The following ANLN variants were observed in gnomAD, a reference collection of about 807,000 sequenced individuals.
ANLN encodes the protein anillin, actin binding protein.
In ANLN, 59 loss-of-function variants were observed where a neutral mutation model predicts 135.1. The observed-to-expected ratio is 0.44, with a 90% CI of 0.35 to 0.54. The LOEUF (loss-of-function observed/expected upper bound fraction) is 0.54, where lower values mean the gene tolerates loss of function less well. Among genes scored for constraint, ANLN ranks in the 20% least tolerant of loss-of-function variants. The pLI is 0.00. For missense variants in ANLN, 1,182 were observed against 1,340.0 expected (o/e 0.88, Z 1.84); for synonymous variants, 406 against 456.4 (o/e 0.89, Z 1.41).
chr7:36,408,551 C>T (rs1169353423), intron 5 of ANLN, among the ~76,000 whole-genome samples: 1 of 152,098 alleles, frequency 6.6e-6, no homozygotes, highest in African/African-American at 2.4e-5. Context: ...ATATCCATCA[C>T]CTTAAATACT....
chr7:36,416,857 C>G (rs1292807413), intron 8 of ANLN, among the ~76,000 whole-genome samples: 1 of 151,508 alleles, frequency 6.6e-6, no homozygotes, highest in African/African-American at 2.4e-5. Context: ...AGGTTGTCAC[C>G]AAGAACTGAT....
intron 7 of ANLN, 108 bp downstream of exon 7, chr7:36,411,274 T>C (rs890101605): frequency 9.7e-6 from 8 of 828,832 alleles, no homozygotes; most frequent in Middle Eastern, 2.4e-4. Flanking sequence ...CTTTTCCAAT[T>C]AACTCTGTCA....
At chr7:36,391,277 G>T (rs908206700) in intron 1 of ANLN, among the ~76,000 whole-genome samples, 1 of 152,138 alleles carries the variant, frequency 6.6e-6, no homozygotes, top group Non-Finnish European at 1.5e-5. Context: ...GTCGAAAAGC[G>T]TGTATTTATT....
intron 1 of ANLN, among the ~76,000 whole-genome samples, chr7:36,394,711 A>G (rs960165436): frequency 1.1e-4 from 16 of 151,260 alleles, no homozygotes; most frequent in African/African-American, 3.6e-4. Flanking sequence ...AAAAATTGTT[A>G]CTGTATTTTA....
intron 14 of ANLN, among the ~76,000 whole-genome samples, chr7:36,423,403 A>G (rs1460659624): frequency 6.6e-6 from 1 of 152,160 alleles, no homozygotes; most frequent in African/African-American, 2.4e-5. Flanking sequence ...TGGTGAAGAA[A>G]TAGTTTATGT....
chr7:36,435,846 C>T (rs1284312888), intron 20 of ANLN, among the ~76,000 whole-genome samples: 9 of 116,564 alleles, frequency 7.7e-5, no homozygotes, highest in African/African-American at 9.9e-5. Flanking sequence ...GCACTCCAGC[C>T]TGGGCGACAG....
chr7:36,395,229 T>G (rs1786646794), intron 1 of ANLN, among the ~76,000 whole-genome samples: 1 of 152,182 alleles, frequency 6.6e-6, no homozygotes, highest in African/African-American at 2.4e-5. Context: ...TGAAATGGAT[T>G]TTACTGTGTT....
intron 21 of ANLN, among the ~76,000 whole-genome samples, chr7:36,439,595 T>C (rs1297567613): frequency 6.6e-6 from 1 of 152,210 alleles, no homozygotes; most frequent in African/African-American, 2.4e-5. Context: ...CACCAGGTCT[T>C]GACTGTGTGT....
chr7:36,427,527 ATTG>A (rs1039648430), intron 20 of ANLN, among the ~76,000 whole-genome samples: 44 of 151,744 alleles, frequency 2.9e-4, no homozygotes, highest in African/African-American at 1.0e-3. Context: ...AATTTTTACT[ATTG>A]TTTTGTAGAG....
chr7:36,410,819 C>G, intron 6 of ANLN, 115 bp downstream of exon 6: 3 of 1,133,426 alleles, frequency 2.6e-6, no homozygotes, highest in Non-Finnish European at 2.5e-6. Flanking sequence ...TCTTGGTTTT[C>G]TGTATCACTA....
At chr7:36,410,468 A>AT (rs1270884975) in intron 5 of ANLN, 46 bp from the exon 6 acceptor site, 6 of 1,489,024 alleles carry the variant, frequency 4.0e-6, no homozygotes, top group Non-Finnish European at 5.4e-6. Context: ...AATCGTAATA[A>AT]TTTTTTATTT....
chr7:36,394,830 C>T (rs540730802), intron 1 of ANLN, among the ~76,000 whole-genome samples: 1 of 152,106 alleles, frequency 6.6e-6, no homozygotes, highest in South Asian at 2.1e-4. Flanking sequence ...TAGTTGTGTG[C>T]ATTTGAAAGA....
chr7:36,422,843 A>G, intron 14 of ANLN, 34 bp downstream of exon 14: 7 of 1,554,410 alleles, frequency 4.5e-6, no homozygotes, highest in Non-Finnish European at 6.1e-6. Flanking sequence ...TGTGTGTTAA[A>G]TTATGAACCT....
chr7:36,423,002 T>C (rs1787942586), intron 14 of ANLN, among the ~76,000 whole-genome samples, 193 bp downstream of exon 14: 2 of 152,184 alleles, frequency 1.3e-5, no homozygotes, highest in Non-Finnish European at 2.9e-5. Flanking sequence ...TACACAATAA[T>C]GGACATTGCT....
At chr7:36,436,202 G>GAAT (rs1788543609) in intron 20 of ANLN, among the ~76,000 whole-genome samples, 1 of 151,990 alleles carries the variant, frequency 6.6e-6, no homozygotes, top group Admixed American at 6.6e-5. Context: ...CATATAAATG[G>GAAT]GATCATCATA....
chr7:36,450,496 G>A (rs1456115350), intron 23 of ANLN, among the ~76,000 whole-genome samples: 1 of 152,076 alleles, frequency 6.6e-6, no homozygotes, highest in Admixed American at 6.5e-5. Context: ...GGGGGAGATT[G>A]GTAGGACTAG....
intron 7 of ANLN, 118 bp from the exon 8 acceptor site, chr7:36,415,640 T>C: frequency 8.6e-7 from 1 of 1,168,710 alleles, no homozygotes; most frequent in Non-Finnish European, 1.2e-6. Flanking sequence ...ATCTCTTTGG[T>C]TCTAAGGAAA....
At chr7:36,438,808 A>G (rs182487639) in intron 20 of ANLN, among the ~76,000 whole-genome samples, 41 of 152,318 alleles carry the variant, frequency 2.7e-4, no homozygotes, top group African/African-American at 9.6e-4. Flanking sequence ...GAATTCAAGG[A>G]CTGGCTTTTC....
intron 10 of ANLN, 146 bp downstream of exon 10, chr7:36,419,625 C>G: frequency 1.5e-6 from 1 of 651,390 alleles, no homozygotes; most frequent in Non-Finnish European, 2.6e-6. Flanking sequence ...TAAAAGAAAC[C>G]TTAAAACTCT....
Sources: allele counts gnomAD v4.1 joint callset (sites outside exome capture counted in the v4.1 genomes callset), GRCh38; gene constraint gnomAD v4.1.1; transcripts MANE v1.5; gene names NCBI Gene and HGNC (gene_info 2026-07-23, HGNC 2026-07-21).